The following DPYD variants were observed in gnomAD, a reference collection of about 807,000 sequenced individuals.
DPYD encodes dihydropyrimidine dehydrogenase.
DPYD carries 109 observed loss-of-function variants against 116.2 expected under a neutral mutation model. That is an observed-to-expected ratio of 0.94 (90% CI 0.80 to 1.10). DPYD has a LOEUF of 1.10. Ranked by LOEUF, DPYD falls within the 50% of genes least tolerant of loss-of-function variation. DPYD has a pLI of 0.00. For missense variants in DPYD, 1,302 were observed against 1,254.5 expected (o/e 1.04, Z -0.57); for synonymous variants, 440 against 432.0 (o/e 1.02, Z -0.23).
intron 5 of DPYD, among the ~76,000 whole-genome samples, chr1:97,701,145 A>G (rs1211063411): frequency 6.7e-6 from 1 of 148,986 alleles, no homozygotes; most frequent in Non-Finnish European, 1.5e-5. Context: ...AAAGACTAGA[A>G]AAAGTTATAC....
At chr1:97,713,875 G>C (rs967004770) in intron 5 of DPYD, among the ~76,000 whole-genome samples, 2 of 151,994 alleles carry the variant, frequency 1.3e-5, no homozygotes, top group African/African-American at 4.8e-5. Flanking sequence ...CATTTAAAGT[G>C]ATAAAACTTT....
At chr1:97,292,286 G>T (rs962602278) in intron 18 of DPYD, among the ~76,000 whole-genome samples, 3 of 152,162 alleles carry the variant, frequency 2.0e-5, no homozygotes, top group African/African-American at 7.2e-5. Flanking sequence ...ATGTATAAAA[G>T]AAAGAGATTT....
chr1:97,395,131 T>C (rs1672941589), intron 14 of DPYD, among the ~76,000 whole-genome samples: 4 of 151,658 alleles, frequency 2.6e-5, no homozygotes. Context: ...CAGTATCCTT[T>C]GCATTTTTCT....
chr1:97,577,018 T>C (rs1653308339), intron 10 of DPYD, among the ~76,000 whole-genome samples: 1 of 152,206 alleles, frequency 6.6e-6, no homozygotes, highest in Non-Finnish European at 1.5e-5. Flanking sequence ...TTGGAAAGTA[T>C]TAATATTGGG....
intron 13 of DPYD, among the ~76,000 whole-genome samples, chr1:97,483,531 AGTTAACGCAT>A (rs1436618747): frequency 2.6e-4 from 39 of 152,170 alleles, no homozygotes; most frequent in African/African-American, 7.2e-4. Flanking sequence ...TAGGGAAGAT[AGTTAACGCAT>A]GCTGGGCTTA....
At chr1:97,789,521 T>C (rs993756725) in intron 3 of DPYD, among the ~76,000 whole-genome samples, 1 of 152,180 alleles carries the variant, frequency 6.6e-6, no homozygotes, top group East Asian at 1.9e-4. Flanking sequence ...TTCTGGGAAA[T>C]AGTTTATGAA....
chr1:97,640,703 T>C (rs902594593), intron 8 of DPYD, among the ~76,000 whole-genome samples: 4 of 152,262 alleles, frequency 2.6e-5, no homozygotes, highest in Admixed American at 1.3e-4. Context: ...CCCTGAAAGA[T>C]GGGCAAAAGG....
intron 16 of DPYD, among the ~76,000 whole-genome samples, chr1:97,336,124 T>C (rs1054888698): frequency 6.6e-6 from 1 of 152,164 alleles, no homozygotes; most frequent in Non-Finnish European, 1.5e-5. Flanking sequence ...TGTCTCCACC[T>C]CACAGAATGA....
At chr1:97,565,505 T>A (rs975779500) in intron 11 of DPYD, among the ~76,000 whole-genome samples, 4 of 152,160 alleles carry the variant, frequency 2.6e-5, no homozygotes, top group Non-Finnish European at 5.9e-5. Context: ...CCTACCCTTA[T>A]GTAACCACAC....
chr1:97,112,906 T>C (rs1026796951), intron 20 of DPYD, among the ~76,000 whole-genome samples: 1 of 152,136 alleles, frequency 6.6e-6, no homozygotes, highest in African/African-American at 2.4e-5. Flanking sequence ...AGGATAACAA[T>C]TACATTTGTA....
At chr1:97,461,033 A>G (rs1676989892) in intron 13 of DPYD, among the ~76,000 whole-genome samples, 1 of 148,844 alleles carries the variant, frequency 6.7e-6, no homozygotes, top group Admixed American at 6.7e-5. Flanking sequence ...GTGAAACTCC[A>G]TCTGAAAAAA....
intron 7 of DPYD, among the ~76,000 whole-genome samples, chr1:97,685,649 C>A (rs1660683755): frequency 6.6e-6 from 1 of 152,192 alleles, no homozygotes; most frequent in Non-Finnish European, 1.5e-5. Flanking sequence ...TCTCAGGATA[C>A]AAAGTCAGCG....
At chr1:97,173,218 A>G (rs1487798426) in intron 20 of DPYD, among the ~76,000 whole-genome samples, 2 of 136,250 alleles carry the variant, frequency 1.5e-5, no homozygotes, top group Non-Finnish European at 3.2e-5. Context: ...ATATACACAT[A>G]TACGTACATA....
chr1:97,476,945 C>T (rs1328632247), intron 13 of DPYD, among the ~76,000 whole-genome samples: 1 of 152,146 alleles, frequency 6.6e-6, no homozygotes, highest in South Asian at 2.1e-4. Flanking sequence ...TTTAAACATT[C>T]TTTATTGCTA....
chr1:97,370,128 G>A (rs924404523), intron 16 of DPYD, among the ~76,000 whole-genome samples: 1 of 152,052 alleles, frequency 6.6e-6, no homozygotes, highest in African/African-American at 2.4e-5. Flanking sequence ...AATCCTTTGG[G>A]TATATACCCA....
intron 5 of DPYD, among the ~76,000 whole-genome samples, chr1:97,710,463 G>C (rs534900478): frequency 2.0e-5 from 3 of 151,774 alleles, no homozygotes; most frequent in Non-Finnish European, 4.4e-5. Flanking sequence ...CCAAAAGTGA[G>C]TACTGTGTTT....
intron 8 of DPYD, among the ~76,000 whole-genome samples, chr1:97,663,235 T>TA (rs1659369231): frequency 1.3e-5 from 2 of 152,176 alleles, no homozygotes; most frequent in Non-Finnish European, 2.9e-5. Flanking sequence ...TTCCACCAGG[T>TA]TGTCACAAGG....
intron 13 of DPYD, among the ~76,000 whole-genome samples, chr1:97,505,091 C>T (rs1013993572): frequency 2.6e-5 from 4 of 151,958 alleles, no homozygotes; most frequent in East Asian, 1.9e-4. Context: ...AAGGTATAGA[C>T]GATGCAAACA....
At chr1:97,471,451 C>T (rs552458254) in intron 13 of DPYD, among the ~76,000 whole-genome samples, 52 of 152,184 alleles carry the variant, frequency 3.4e-4, no homozygotes, top group Non-Finnish European at 6.8e-4. Context: ...AAAACTGCAA[C>T]CACACAACTA....
Sources: allele counts gnomAD v4.1 joint callset (sites outside exome capture counted in the v4.1 genomes callset), GRCh38; gene constraint gnomAD v4.1.1; transcripts MANE v1.5; gene names NCBI Gene and HGNC (gene_info 2026-07-23, HGNC 2026-07-21).